Variants in CFAP221 observed in about 807,000 individuals in gnomAD.
CFAP221 encodes cilia and flagella associated protein 221.
A neutral mutation model predicts 113.1 loss-of-function variants in CFAP221; 97 were observed. That is an observed-to-expected ratio of 0.86 (90% confidence interval 0.73 to 1.02). CFAP221 has a LOEUF of 1.02. Ranked by LOEUF, CFAP221 falls within the 50% of genes least tolerant of loss-of-function variation. The probability of loss-of-function intolerance (pLI) is 0.00; values close to 1 mark genes in which losing one functional copy is unlikely to be tolerated. For synonymous variants in CFAP221, 331 were observed against 354.4 expected, an observed-to-expected ratio of 0.93 and a Z score of 0.74; for missense variants, 1,025 against 1,013.4, an observed-to-expected ratio of 1.01 and a Z score of -0.16.
chr2:119,631,247 C>T (rs1686757721), intron 19 of CFAP221, among the ~76,000 whole-genome samples: 2 of 152,110 alleles, frequency 1.3e-5, no homozygotes, highest in African/African-American at 4.8e-5. Flanking sequence ...ATTAACAGCA[C>T]TACACACCTA....
intron 6 of CFAP221, among the ~76,000 whole-genome samples, chr2:119,575,325 A>G (rs1433617193): frequency 1.3e-5 from 2 of 152,028 alleles, no homozygotes; most frequent in Non-Finnish European, 2.9e-5. Flanking sequence ...CTCGGGCCCC[A>G]GCCACAGGCC....
At chr2:119,552,158 CTTTTTTT>C (rs772767971) in intron 3 of CFAP221, among the ~76,000 whole-genome samples, 2 of 96,564 alleles carry the variant, frequency 2.1e-5, no homozygotes, top group Admixed American at 1.0e-4. Context: ...TAAAACTGGC[CTTTTTTT>C]TTTTTTTTTT....
chr2:119,611,831 CTTTACCAAGAGATA>C (rs1685187504), intron 13 of CFAP221, 89 bp downstream of exon 13: 1 of 967,522 alleles, frequency 1.0e-6, no homozygotes, highest in Non-Finnish European at 1.6e-6. Context: ...TATAGAAATC[CTTTACCAAGAGATA>C]TTTAATACTT....
At chr2:119,634,022 C>T (rs758126107) in intron 19 of CFAP221, among the ~76,000 whole-genome samples, 3 of 152,170 alleles carry the variant, frequency 2.0e-5, no homozygotes, top group Admixed American at 6.5e-5. Context: ...GCAGGAGGAC[C>T]TCTTGAGTTC....
chr2:119,560,025 A>C lies in CFAP221; in HGVS notation c.425A>C (p.Lys142Thr). The C allele has an allele frequency of 6.9e-7, 1 of 1,447,398 alleles. No homozygotes were observed. The highest frequency in any genetic ancestry group is 1.3e-5 in the South Asian group (1 of 78,350). 89.7% of individuals were successfully genotyped at this position (1,447,398 alleles called of 1,614,324 possible). ...TATGACTGCATCCGTGTTCACTGTAAGGTAGGTCTCTTAAAATTGCTTTTT... is the reference window on the plus strand; with the variant it reads ...TATGACTGCATCCGTGTTCACTGTACGGTAGGTCTCTTAAAATTGCTTTTT... ...YYYDCIRVHC[K>T]GDDTLLVPIH... is the part of the protein sequence containing the mutation. The change falls in exon 5 of 24, where the codon AAG becomes ACG. Residue 142 changes from lysine to threonine, a missense_variant and splice_region_variant. Coordinates refer to ENST00000413369, the MANE Select transcript of CFAP221 (RefSeq NM_001271049.2).
At chr2:119,574,264 G>T (rs1377251744) in intron 6 of CFAP221, among the ~76,000 whole-genome samples, 3 of 152,168 alleles carry the variant, frequency 2.0e-5, no homozygotes, top group Non-Finnish European at 4.4e-5. Flanking sequence ...GTGGTTACAG[G>T]TGGAACCTTT....
intron 4 of CFAP221, 55 bp from the exon 5 acceptor site, chr2:119,559,873 G>A (rs748010203): frequency 6.7e-7 from 1 of 1,486,326 alleles, no homozygotes; most frequent in Non-Finnish European, 9.1e-7. Flanking sequence ...CACCCCCGGT[G>A]CTGCTCTCTG....
rs1270979983 is a variant in CFAP221, at chr2:119,604,792, G to A, written c.912G>A (p.Lys304=). The A allele has an allele frequency of 6.4e-7, 1 of 1,563,026 alleles. No homozygotes were observed. Among genetic ancestry groups the A allele is most frequent in the African/African-American group, 1.4e-5 (1 of 72,544 alleles). The change falls in exon 9 of 24, where the codon AAG becomes AAA. Residue 304 remains lysine (K), a splice_region_variant and synonymous_variant. Coordinates refer to ENST00000413369, the MANE Select transcript of CFAP221 (RefSeq NM_001271049.2). ...PPAKPKPQKV[K]EIEYQNLRFP... ...CGAAGCCGAAGCCTCAGAAGGTGAA[G>A]GTACGGTGGGCCTTGTCCTTGGTGC... is the stretch of plus-strand genomic sequence containing the variant.
intron 6 of CFAP221, among the ~76,000 whole-genome samples, chr2:119,568,562 T>C (rs1681810291): frequency 6.6e-6 from 1 of 152,178 alleles, no homozygotes; most frequent in South Asian, 2.1e-4. Context: ...CATTGTTCAG[T>C]TCCCACTTAT....
At chr2:119,614,612 T>C (rs1685400759) in intron 13 of CFAP221, among the ~76,000 whole-genome samples, 1 of 152,114 alleles carries the variant, frequency 6.6e-6, no homozygotes, top group Non-Finnish European at 1.5e-5. Flanking sequence ...TAACTCACTA[T>C]CACGAGAACA....
intron 7 of CFAP221, among the ~76,000 whole-genome samples, chr2:119,587,921 T>G (rs1246236983): frequency 6.6e-6 from 1 of 152,210 alleles, no homozygotes; most frequent in Non-Finnish European, 1.5e-5. Context: ...GTGAATTAAT[T>G]CTCAATTATG....
chr2:119,605,560 C>A, intron 11 of CFAP221, among the ~76,000 whole-genome samples: 1 of 152,272 alleles, frequency 6.6e-6, no homozygotes, highest in East Asian at 1.9e-4. Context: ...CCCCTCACCC[C>A]CGGACAGATC....
chr2:119,627,714 C>G lies in CFAP221; in HGVS notation c.1578C>G (p.Phe526Leu). ...GTCAGGATGATTATACCAGCCGGTT[C>G]TCTGTGTCGCCCAAGGAGGTGCTGC... is the stretch of plus-strand genomic sequence containing the variant. ...RISQDDYTSR[F>L]SVSPKEVLPF... Residue 526 changes from phenylalanine to leucine, a missense_variant, in exon 16 of 24, where the codon TTC becomes TTG. By Grantham distance (22) the Phe-to-Leu change is conservative. Coordinates refer to ENST00000413369, the MANE Select transcript of CFAP221 (RefSeq NM_001271049.2). 1.9e-6 allele frequency: 3 copies of G among 1,613,934 alleles called. No individual in the cohort carries two copies. The highest frequency in any genetic ancestry group is 1.1e-5 in the South Asian group (1 of 91,036).
chr2:119,560,713 A>C (rs541070637), intron 5 of CFAP221, among the ~76,000 whole-genome samples: 2 of 152,300 alleles, frequency 1.3e-5, no homozygotes, highest in South Asian at 4.1e-4. Context: ...ATGAGTTTCT[A>C]CTTTTTTTCT....
chr2:119,652,114 A>G, intron 23 of CFAP221, 45 bp downstream of exon 23: 1 of 1,501,392 alleles, frequency 6.7e-7, no homozygotes, highest in Non-Finnish European at 9.2e-7. Context: ...ATCTTGGATG[A>G]AATTTGTTCT....
At chr2:119,626,357 C>G (rs1267994540) in intron 15 of CFAP221, among the ~76,000 whole-genome samples, 1 of 152,154 alleles carries the variant, frequency 6.6e-6, no homozygotes. Flanking sequence ...TTCAGCCTAT[C>G]TGATGATATA....
downstream of CFAP221, chr2:119,656,717 T>C (rs879484908): frequency 7.1e-6 from 2 of 280,710 alleles, no homozygotes; most frequent in Admixed American, 9.6e-5. Context: ...CTGAGCAACA[T>C]GTGATGAGAG....
At chr2:119,642,533 CTTTTTTTTT>C (rs56224952) in intron 21 of CFAP221, among the ~76,000 whole-genome samples, 2 of 54,660 alleles carry the variant, frequency 3.7e-5, no homozygotes, top group Non-Finnish European at 6.8e-5. Context: ...GCTCTCAGGC[CTTTTTTTTT>C]TTTTTTTTTT....
intron 3 of CFAP221, among the ~76,000 whole-genome samples, chr2:119,553,666 A>G (rs1680580247): frequency 6.6e-6 from 1 of 152,194 alleles, no homozygotes; most frequent in Admixed American, 6.5e-5. Flanking sequence ...CCCAAGAATC[A>G]GTTTTCACTT....
Sources: allele counts gnomAD v4.1 joint callset (sites outside exome capture counted in the v4.1 genomes callset), GRCh38; gene constraint gnomAD v4.1.1; transcripts MANE v1.5; gene names NCBI Gene and HGNC (gene_info 2026-07-23, HGNC 2026-07-21).